The following SEC31A variants were observed in gnomAD, a reference collection of about 807,000 sequenced individuals.
SEC31A encodes protein transport protein Sec31A.
Under a neutral mutation model 151.0 loss-of-function variants are expected in SEC31A, and 70 were observed. The ratio of observed to expected loss-of-function variants is 0.46; its 90% CI spans 0.38 to 0.57. SEC31A has a LOEUF of 0.57. SEC31A is among the 20% of genes least tolerant of loss of function. The probability of loss-of-function intolerance (pLI) is 0.00; values close to 1 mark genes in which losing one functional copy is unlikely to be tolerated. For synonymous variants in SEC31A, 475 were observed against 505.9 expected (o/e 0.94, Z 0.82); for missense variants, 1,330 against 1,471.2 (o/e 0.90, Z 1.57).
intron 22 of SEC31A, among the ~76,000 whole-genome samples, chr4:82,830,453 C>T (rs571728145): frequency 6.6e-6 from 1 of 152,160 alleles, no homozygotes; most frequent in African/African-American, 2.4e-5. Flanking sequence ...GAACGAGACT[C>T]CGTCTCAAAA....
intron 3 of SEC31A, among the ~76,000 whole-genome samples, chr4:82,896,378 C>T (rs1017770522): frequency 2.0e-5 from 3 of 151,722 alleles, no homozygotes; most frequent in South Asian, 2.1e-4. Context: ...CCACCATGCC[C>T]GGCTAATTTT....
At position 82,864,386 on chromosome 4, in the gene SEC31A, C is replaced by T; in HGVS notation, c.1410G>A (p.Glu470=). 6.2e-7 allele frequency: 1 copy of T among 1,613,648 alleles called. No homozygotes were observed. The highest frequency in any genetic ancestry group is 8.5e-7 in the Non-Finnish European group (1 of 1,179,648). Residue 470 remains glutamate (E), a synonymous_variant, in exon 11 of 27, where the codon GAG becomes GAA. Coordinates refer to ENST00000395310, the MANE Select transcript of SEC31A (RefSeq NM_001077207.4). The part of the protein sequence containing the change: ...KKIDASQTEF[E]KNVWSFLKVN... ...CCTTCAAAAAGGACCACACATTTTT[C>T]TCAAATTCAGTCTGAGAAGCATCAA...
chr4:82,870,356 T>C lies in SEC31A; in HGVS notation c.851A>G (p.Lys284Arg), dbSNP rs985287727. 3 of 1,613,818 alleles carry C rather than the reference T, an allele frequency of 1.9e-6. No homozygotes were observed. In the African/African-American group the frequency reaches 4.0e-5, roughly 22 times the overall value. ...TGTGTTTGGATTGGAGCAGAGAATC[T>C]TAGCATCTTTTCCACAGCTCAGTAA... The part of the protein sequence containing the change: ...ELLLSCGKDA[K>R]ILCSNPNTGE... The change falls in exon 8 of 27, where the codon AAG (lysine) becomes AGG (arginine). Residue 284 changes from lysine (K) to arginine (R), a missense_variant. Transcript: ENST00000395310.
intron 1 of SEC31A, among the ~76,000 whole-genome samples, chr4:82,888,046 A>AAAAC (rs56912648): frequency 0.082 from 12,024 of 146,384 alleles, 1,602 homozygotes; most frequent in African/African-American, 0.28. Flanking sequence ...ACTCTGTCTC[A>AAAAC]AAACAAACAA....
intron 7 of SEC31A, chr4:82,871,742 G>C: frequency 3.3e-6 from 2 of 597,418 alleles, no homozygotes; most frequent in Non-Finnish European, 5.7e-6. Flanking sequence ...AGGAGGCTGA[G>C]GCAGGAGAAT....
At chr4:82,829,851 T>C (rs1725520848) in intron 22 of SEC31A, among the ~76,000 whole-genome samples, 1 of 152,214 alleles carries the variant, frequency 6.6e-6, no homozygotes, top group Non-Finnish European at 1.5e-5. Context: ...CCAGTATCTT[T>C]AAAGAGGAAA....
chr4:82,888,151 G>C lies in SEC31A; in HGVS notation c.-5+2937C>G, dbSNP rs1433774080. ...GCACTTTGGGAGGCCGAGGTGGGCAGATCACTTGAGGCCGGAAGTTCGGGA... is the reference window on the plus strand; with the variant it reads ...GCACTTTGGGAGGCCGAGGTGGGCACATCACTTGAGGCCGGAAGTTCGGGA... On this transcript the variant is annotated intron_variant, in intron 1 of 26. Coordinates refer to ENST00000395310, the MANE Select transcript of SEC31A (RefSeq NM_001077207.4). 4.0e-5 allele frequency among the ~76,000 whole-genome samples: 6 copies of C among 151,148 alleles called. No individual in the cohort carries two copies. The South Asian group carries it at 8.3e-4, about 21-fold the overall frequency.
chr4:82,880,339 C>T (rs976941970), intron 3 of SEC31A, among the ~76,000 whole-genome samples: 4 of 152,194 alleles, frequency 2.6e-5, no homozygotes, highest in African/African-American at 9.6e-5. Flanking sequence ...CCTATAATCT[C>T]AGCACTTTGG....
intron 24 of SEC31A, among the ~76,000 whole-genome samples, chr4:82,826,891 T>A (rs1385086347): frequency 6.6e-6 from 1 of 152,246 alleles, no homozygotes; most frequent in Admixed American, 6.5e-5. Flanking sequence ...TGTGTTAGAT[T>A]TTTCAATATG....
At chr4:82,838,906 T>C (rs749021729) in intron 22 of SEC31A, among the ~76,000 whole-genome samples, 3 of 152,230 alleles carry the variant, frequency 2.0e-5, no homozygotes, top group African/African-American at 4.8e-5. Context: ...AAATTAACTA[T>C]TGAACAGCTG....
intron 1 of SEC31A, among the ~76,000 whole-genome samples, chr4:82,889,735 T>C (rs944063219): frequency 2.6e-5 from 4 of 152,190 alleles, no homozygotes; most frequent in Non-Finnish European, 4.4e-5. Flanking sequence ...AATTTGCTTA[T>C]ATAAAATTAA....
intron 18 of SEC31A, among the ~76,000 whole-genome samples, chr4:82,852,259 T>A (rs2149364007): frequency 6.6e-6 from 1 of 152,296 alleles, no homozygotes; most frequent in African/African-American, 2.4e-5. Context: ...CTCTTTTTCT[T>A]TATAAACTAC....
intron 19 of SEC31A, among the ~76,000 whole-genome samples, chr4:82,849,712 A>C (rs1731074992): frequency 6.6e-6 from 1 of 151,540 alleles, no homozygotes; most frequent in Admixed American, 6.6e-5. Context: ...GAAAGAGATG[A>C]AAATGTTAAA....
At chr4:82,833,830 A>T (rs1015052097) in intron 22 of SEC31A, among the ~76,000 whole-genome samples, 5 of 152,262 alleles carry the variant, frequency 3.3e-5, no homozygotes, top group African/African-American at 1.2e-4. Flanking sequence ...AGGCAGTAAA[A>T]GAATAGAAAA....
At chr4:82,857,585 C>T (rs1732952500) in intron 15 of SEC31A, 104 bp downstream of exon 15, 2 of 753,830 alleles carry the variant, frequency 2.7e-6, no homozygotes, top group South Asian at 3.2e-5. Flanking sequence ...GGACTATAAG[C>T]ATGCACCACA....
chr4:82,833,596 T>C (rs1726525023), intron 22 of SEC31A, among the ~76,000 whole-genome samples: 1 of 151,250 alleles, frequency 6.6e-6, no homozygotes, highest in African/African-American at 2.4e-5. Flanking sequence ...TCACTACTTC[T>C]TATAGGAAAC....
chr4:82,857,577 A>T (rs1732949857), intron 15 of SEC31A, 112 bp downstream of exon 15: 1 of 715,846 alleles, frequency 1.4e-6, no homozygotes, highest in African/African-American at 1.8e-5. Context: ...AGTAGCTGGG[A>T]CTATAAGCAT....
intron 8 of SEC31A, 76 bp from the exon 9 acceptor site, chr4:82,867,392 G>T: frequency 7.9e-7 from 1 of 1,258,094 alleles, no homozygotes; most frequent in Non-Finnish European, 1.1e-6. Context: ...CTGAATTAAT[G>T]TGGTCAACAA....
chr4:82,860,558 C>T (rs1177672538), intron 14 of SEC31A, among the ~76,000 whole-genome samples: 1 of 152,128 alleles, frequency 6.6e-6, no homozygotes, highest in Non-Finnish European at 1.5e-5. Context: ...TCACTCCAAC[C>T]ACGAACTCTT....
Sources: allele counts gnomAD v4.1 joint callset (sites outside exome capture counted in the v4.1 genomes callset), GRCh38; gene constraint gnomAD v4.1.1; transcripts MANE v1.5; gene names NCBI Gene and HGNC (gene_info 2026-07-23, HGNC 2026-07-21).